Variants in SMARCA4 observed in about 807,000 individuals in gnomAD.
SMARCA4 encodes the protein SWI/SNF related BAF chromatin remodeling complex subunit ATPase 4.
A neutral mutation model predicts 193.9 loss-of-function variants in SMARCA4; 31 were observed. The ratio of observed to expected loss-of-function variants is 0.16; its 90% CI spans 0.12 to 0.22. SMARCA4 has a LOEUF of 0.22. Among genes scored for constraint, SMARCA4 ranks in the 10% least tolerant of loss-of-function variants. SMARCA4 has a pLI of 1.00. For synonymous variants in SMARCA4, 942 were observed against 933.1 expected (o/e 1.01, Z -0.17); for missense variants, 1,148 against 2,296.0 (o/e 0.50, Z 10.22).
chr19:11,033,963 T>G lies in SMARCA4; in HGVS notation c.3873+98T>G. On this transcript the variant is annotated intron_variant, in intron 27 of 34. Coordinates refer to ENST00000344626, the MANE Select transcript of SMARCA4 (RefSeq NM_003072.5). This position sits in a 1 kb window ranked among gnomAD's most constrained non-coding sequence, Gnocchi z 9.8. Reference sequence around the variant, plus strand: ...TGGTCCCACGGAGCGTGCGTGTGCGTGTGCGTGTGTGTGCCTTTCGCTGCC... The same window carrying G: ...TGGTCCCACGGAGCGTGCGTGTGCGGGTGCGTGTGTGTGCCTTTCGCTGCC... 1 of 746,958 alleles carries G rather than the reference T, an allele frequency of 1.3e-6. No individual in the cohort carries two copies. Among genetic ancestry groups the G allele is most frequent in the Non-Finnish European group, 2.5e-6 (1 of 408,048 alleles). 46.3% of individuals were successfully genotyped at this position (746,958 alleles called of 1,614,324 possible).
intron 1 of SMARCA4, among the ~76,000 whole-genome samples, chr19:10,968,104 G>A (rs544728693): frequency 2.0e-5 from 3 of 152,042 alleles, no homozygotes; most frequent in African/African-American, 7.2e-5. Flanking sequence ...GCCCGCCTCA[G>A]CCTCCCAAAG....
intron 16 of SMARCA4, among the ~76,000 whole-genome samples, chr19:11,015,238 A>ATGGGGGTTTG (rs1400753825): frequency 6.6e-6 from 1 of 152,192 alleles, no homozygotes; most frequent in Non-Finnish European, 1.5e-5. Context: ...TGGACGTAGG[A>ATGGGGGTTTG]CTAATAGCAA....
In SMARCA4 at chr19:10,981,752, G is replaced by A. The variant is rs143668557; in HGVS notation, c.-31-2369G>A. ...GCACTTTGGGAAGTCCAGGCTGGAG[G>A]ATCCCTTGAGCCAGGATCAACAAGT... is the stretch of plus-strand genomic sequence containing the variant. On this transcript the variant is annotated intron_variant, in intron 1 of 34. Transcript: ENST00000344626. 1.1e-3 allele frequency among the ~76,000 whole-genome samples: 161 copies of A among 152,254 alleles called. 1 individual carries two copies. Among genetic ancestry groups the A allele is most frequent in the African/African-American group, 3.6e-3 (151 of 41,532 alleles).
rs113051190 is a variant in SMARCA4 at position 10,980,412 on chromosome 19, C to A, written c.-31-3709C>A. Among the ~76,000 whole-genome samples, 188 of 152,220 alleles carry A rather than the reference C, an allele frequency of 1.2e-3. 1 individual carries two copies. The highest frequency in any genetic ancestry group is 4.2e-3 in the African/African-American group (176 of 41,528). On this transcript the variant is annotated intron_variant, in intron 1 of 34. Transcript: ENST00000344626. Reference sequence around the variant, plus strand: ...AAGTTAGCGCTGCTTTGAGTTGGAGCCGTTCCTGGAGGCTGTGACGGCATC... The same window carrying A: ...AAGTTAGCGCTGCTTTGAGTTGGAGACGTTCCTGGAGGCTGTGACGGCATC...
intron 24 of SMARCA4, among the ~76,000 whole-genome samples, chr19:11,029,230 C>T (rs955858612): frequency 1.3e-5 from 2 of 152,230 alleles, no homozygotes; most frequent in African/African-American, 2.4e-5. Context: ...GTCTCTCCAG[C>T]GGCTTCTCCC....
At chr19:11,010,294 C>A (rs2146228075) in intron 14 of SMARCA4, 87 bp from the exon 15 acceptor site, 1 of 1,441,780 alleles carries the variant, frequency 6.9e-7, no homozygotes, top group Non-Finnish European at 9.7e-7. Context: ...GCAGAAAGGG[C>A]CACTCCGCAG....
chr19:10,970,017 C>G (rs561875572), intron 1 of SMARCA4, among the ~76,000 whole-genome samples: 3 of 152,302 alleles, frequency 2.0e-5, no homozygotes, highest in Admixed American at 6.5e-5. Context: ...TATATTTGGT[C>G]TTTGCGCCAC....
chr19:11,031,079 C>T lies in SMARCA4; in HGVS notation c.3546+186C>T. ...GAAAAGAGGCGGGGTCCTCCTGTTT[C>T]CCAAAATACAAACAGCCTTTCCCTC... On this transcript the variant is annotated intron_variant, in intron 25 of 34. Coordinates refer to ENST00000344626, the MANE Select transcript of SMARCA4 (RefSeq NM_003072.5). This position sits in a 1 kb window ranked among gnomAD's most constrained non-coding sequence, Gnocchi z 4.3. 1 of 652,120 alleles carries T rather than the reference C, an allele frequency of 1.5e-6. No homozygotes were observed. The highest frequency in any genetic ancestry group is 2.8e-6 in the Non-Finnish European group (1 of 361,518). 40.4% of individuals were successfully genotyped at this position (652,120 alleles called of 1,614,324 possible).
chr19:11,044,429 C>T (rs921080532), intron 30 of SMARCA4, among the ~76,000 whole-genome samples: 1 of 152,150 alleles, frequency 6.6e-6, no homozygotes, highest in Non-Finnish European at 1.5e-5. Context: ...GAAAACTCCT[C>T]ATAGATGAGG....
rs187937877 is a variant in SMARCA4 at position 11,047,368 on chromosome 19, G to A, written c.4424+5808G>A. Reference sequence around the variant, plus strand: ...CAGCGCTGATGTTCCCGGTGACGTTGACACAGAGCACTGCCAACCAGAGAA... The same window carrying A: ...CAGCGCTGATGTTCCCGGTGACGTTAACACAGAGCACTGCCAACCAGAGAA... On this transcript the variant is annotated intron_variant, in intron 30 of 34. Transcript: ENST00000344626. 4.6e-5 allele frequency among the ~76,000 whole-genome samples: 7 copies of A among 151,670 alleles called. No individual in the cohort carries two copies. The East Asian group carries it at 1.2e-3, about 25-fold the overall frequency.
chr19:11,017,163 A>G (rs1281211420), intron 16 of SMARCA4, among the ~76,000 whole-genome samples: 1 of 152,222 alleles, frequency 6.6e-6, no homozygotes, highest in Non-Finnish European at 1.5e-5. Context: ...AGTGAGGACC[A>G]CAGGTTCCTT....
intron 18 of SMARCA4, chr19:11,021,202 C>G: frequency 4.2e-6 from 1 of 238,048 alleles, no homozygotes; most frequent in Non-Finnish European, 8.5e-6. Context: ...AGTGGGAGTG[C>G]TCTTTGAGTG....
chr19:10,987,559 G>A lies in SMARCA4; in HGVS notation c.860-107G>A. 7.7e-7 allele frequency: 1 copy of A among 1,294,430 alleles called. No individual in the cohort carries two copies. Among genetic ancestry groups the A allele is most frequent in the East Asian group, 2.4e-5 (1 of 42,466 alleles). 80.2% of individuals were successfully genotyped at this position (1,294,430 alleles called of 1,614,324 possible). On this transcript the variant is annotated intron_variant, in intron 5 of 34. Transcript: ENST00000344626. This position sits in a 1 kb window ranked among gnomAD's most constrained non-coding sequence, Gnocchi z 5.3. ...CTGGGTGAAAGGTGGGAGATGGGCG[G>A]GGTCTGCCTGTCCCCAGTGCCTCAA...
At chr19:11,028,278 G>A (rs532006336) in intron 24 of SMARCA4, among the ~76,000 whole-genome samples, 9 of 152,302 alleles carry the variant, frequency 5.9e-5, no homozygotes, top group African/African-American at 1.9e-4. Flanking sequence ...GCACCAATAG[G>A]CTTACATAGC....
intron 30 of SMARCA4, among the ~76,000 whole-genome samples, chr19:11,057,848 A>G (rs755451350): frequency 6.6e-6 from 1 of 152,158 alleles, no homozygotes. Context: ...CACACCTGTA[A>G]TCCCAGCACT....
rs1208658279 is a variant in SMARCA4, at chr19:11,030,153, G to T, written c.3383-577G>T. On this transcript the variant is annotated intron_variant, in intron 24 of 34. Coordinates refer to ENST00000344626, the MANE Select transcript of SMARCA4 (RefSeq NM_003072.5). The surrounding 1 kb of genome is among the most constrained non-coding windows in gnomAD (Gnocchi z 5.5). Reference sequence around the variant, plus strand: ...TGACTTGGGTTTTCTGGGGCATGGGGACACTGATCCTGCCAGAAAGGACAC... The same window carrying T: ...TGACTTGGGTTTTCTGGGGCATGGGTACACTGATCCTGCCAGAAAGGACAC... 1.3e-5 allele frequency among the ~76,000 whole-genome samples: 2 copies of T among 152,218 alleles called. No individual in the cohort carries two copies. The highest frequency in any genetic ancestry group is 2.4e-5 in the African/African-American group (1 of 41,438).
In SMARCA4 at chr19:11,010,538, TA is replaced by T. The variant is rs752010847; in HGVS notation, c.2274+8del. ...TGTCCTCAAACAGTACCAGGTGAGGTAGGGGGTGGGGAGGCCACCGCCACGT... is the reference window on the plus strand; with the variant it reads ...TGTCCTCAAACAGTACCAGGTGAGGTGGGGGTGGGGAGGCCACCGCCACGT... On this transcript the variant is annotated splice_region_variant and intron_variant, in intron 15 of 34. Coordinates refer to ENST00000344626, the MANE Select transcript of SMARCA4 (RefSeq NM_003072.5). The T allele has an allele frequency of 1.2e-6, 2 of 1,612,890 alleles. No homozygotes were observed. Among genetic ancestry groups the T allele is most frequent in the South Asian group, 1.1e-5 (1 of 91,064 alleles).
intron 34 of SMARCA4, among the ~76,000 whole-genome samples, chr19:11,061,204 A>AAAAAAAAAATATAT (rs1555797070): frequency 2.2e-5 from 1 of 45,212 alleles, no homozygotes; most frequent in African/African-American, 1.1e-4. Flanking sequence ...AAAAAAAAAA[A>AAAAAAAAAATATAT]ATATATATAT....
At chr19:11,008,428 C>CATTG (rs2088458793) in intron 14 of SMARCA4, 23 of 343,030 alleles carry the variant, frequency 6.7e-5, no homozygotes, top group South Asian at 5.2e-4. Context: ...CTCCAGTGTA[C>CATTG]ATTGGTGTGC....
Sources: allele counts gnomAD v4.1 joint callset (sites outside exome capture counted in the v4.1 genomes callset), GRCh38; gene constraint gnomAD v4.1.1; non-coding constraint Gnocchi (gnomAD v3.1); transcripts MANE v1.5; gene names NCBI Gene and HGNC (gene_info 2026-07-23, HGNC 2026-07-21).